Variants in ARHGAP44 observed in about 807,000 individuals in gnomAD.
ARHGAP44 encodes the protein Rho GTPase activating protein 44.
Under a neutral mutation model 106.8 loss-of-function variants are expected in ARHGAP44, and 43 were observed. That is an observed-to-expected ratio of 0.40 (90% CI 0.32 to 0.52). The LOEUF (loss-of-function observed/expected upper bound fraction) is 0.52. Among genes scored for constraint, ARHGAP44 ranks in the 20% least tolerant of loss-of-function variants. The pLI is 0.48. For synonymous variants in ARHGAP44, 439 were observed against 410.3 expected, an observed-to-expected ratio of 1.07 and a Z score of -0.85; for missense variants, 866 against 1,050.5, an observed-to-expected ratio of 0.82 and a Z score of 2.43.
intron 1 of ARHGAP44, among the ~76,000 whole-genome samples, chr17:12,885,524 T>C (rs1302419558): frequency 7.2e-6 from 1 of 137,940 alleles, no homozygotes; most frequent in East Asian, 2.2e-4. Context: ...AAGAACTTGA[T>C]GTGTGTGTGA....
chr17:12,800,114 C>T (rs1490604615), intron 1 of ARHGAP44, among the ~76,000 whole-genome samples: 7 of 152,188 alleles, frequency 4.6e-5, no homozygotes, highest in Admixed American at 4.6e-4. Context: ...CAATAAATGA[C>T]AGTTATTACC....
At position 12,789,623 on chromosome 17, in the gene ARHGAP44, G is replaced by T. The variant is rs539912762; in HGVS notation, c.-216G>T. 120 of 328,100 alleles carry T rather than the reference G, an allele frequency of 3.7e-4. No individual in the cohort carries two copies. The highest frequency in any genetic ancestry group is 2.5e-3 in the African/African-American group (113 of 46,082). 20.3% of individuals were successfully genotyped at this position (328,100 alleles called of 1,614,324 possible). ...CTCTGCCCCGGGCATTGCGCGGCGC[G>T]CGTGAGGGGGATGCGGCAGGAGGCG... On this transcript the variant is annotated 5_prime_UTR_variant, in exon 1 of 21. Transcript: ENST00000379672.
intron 6 of ARHGAP44, among the ~76,000 whole-genome samples, chr17:12,925,139 C>T (rs565331560): frequency 2.0e-5 from 3 of 152,260 alleles, no homozygotes; most frequent in East Asian, 1.9e-4. Context: ...CACTGGATGT[C>T]GCATGGGCTC....
At chr17:12,903,121 A>AGGG (rs1316155700) in intron 3 of ARHGAP44, among the ~76,000 whole-genome samples, 20 of 84,730 alleles carry the variant, frequency 2.4e-4, no homozygotes, top group African/African-American at 7.8e-4. Context: ...AGAGAGAGAG[A>AGGG]GAGAGGAGAG....
chr17:12,793,541 C>T (rs974373241), intron 1 of ARHGAP44, among the ~76,000 whole-genome samples: 1 of 152,118 alleles, frequency 6.6e-6, no homozygotes, highest in Non-Finnish European at 1.5e-5. Context: ...AACCCCGTCT[C>T]TACTAAAAAT....
chr17:12,977,940 A>G (rs1174347580), intron 18 of ARHGAP44, among the ~76,000 whole-genome samples: 2 of 149,088 alleles, frequency 1.3e-5, no homozygotes, highest in Non-Finnish European at 3.0e-5. Flanking sequence ...TGGGAGGCTG[A>G]GGAAGGAGAA....
chr17:12,908,839 A>T, intron 3 of ARHGAP44, 58 bp from the exon 4 acceptor site: 2 of 1,416,392 alleles, frequency 1.4e-6, no homozygotes, highest in Non-Finnish European at 2.0e-6. Flanking sequence ...TTGCTATTTT[A>T]GATTCAACAG....
At chr17:12,823,479 CT>C (rs1963874377) in intron 1 of ARHGAP44, among the ~76,000 whole-genome samples, 1 of 152,278 alleles carries the variant, frequency 6.6e-6, no homozygotes, top group Non-Finnish European at 1.5e-5. Flanking sequence ...ACGATCTTAA[CT>C]TTTTGCTAAG....
Position 12,980,224 on chromosome 17 carries a change from C to T in ARHGAP44, c.1930C>T (p.Leu644Phe). 1 of 1,611,846 alleles carries T rather than the reference C, an allele frequency of 6.2e-7. No individual in the cohort carries two copies. Among genetic ancestry groups the T allele is most frequent in the Non-Finnish European group, 8.5e-7 (1 of 1,179,262 alleles). Residue 644 changes from leucine to phenylalanine, a missense_variant, in exon 19 of 21, where the codon CTC becomes TTC. By Grantham distance (22) the Leu-to-Phe change is conservative. Coordinates refer to ENST00000379672, the MANE Select transcript of ARHGAP44 (RefSeq NM_014859.6). The stretch of plus-strand genomic sequence containing the variant: ...GCCTGCAGACCAGAGTCCTCACACC[C>T]TCCGGAAAGGTATGGCCCTGCTTCC... ...QPPADQSPHT[L>F]RKVSKKLAPI...
Position 12,974,111 on chromosome 17 carries a change from A to T in ARHGAP44, c.1564A>T (p.Thr522Ser). Residue 522 changes from threonine to serine, a missense_variant, in exon 18 of 21, where the codon ACA becomes TCA. Transcript: ENST00000379672. The stretch of plus-strand genomic sequence containing the variant: ...CAGCATGGGTGTGAGGGTCATGGAC[A>T]CAAACTGGGTGGCTCGAAGAGGCTC... The part of the protein sequence containing the change: ...IQSMGVRVMD[T>S]NWVARRGSSA... 1 of 1,571,468 alleles carries T rather than the reference A, an allele frequency of 6.4e-7. No homozygotes were observed. Among genetic ancestry groups the T allele is most frequent in the Non-Finnish European group, 8.6e-7 (1 of 1,158,314 alleles).
intron 1 of ARHGAP44, among the ~76,000 whole-genome samples, chr17:12,831,950 G>A (rs2035101115): frequency 6.6e-6 from 1 of 152,162 alleles, no homozygotes; most frequent in South Asian, 2.1e-4. Context: ...AGAGGAGTTT[G>A]GATGATGCCA....
intron 1 of ARHGAP44, among the ~76,000 whole-genome samples, chr17:12,844,520 C>T (rs2035508083): frequency 6.6e-6 from 1 of 152,142 alleles, no homozygotes; most frequent in South Asian, 2.1e-4. Context: ...ATTAAGTTTC[C>T]AATGCATTAA....
intron 9 of ARHGAP44, 146 bp downstream of exon 9, chr17:12,943,815 T>C (rs1323437139): frequency 9.8e-7 from 1 of 1,019,782 alleles, no homozygotes; most frequent in Non-Finnish European, 1.4e-6. Context: ...ACTTCCAAAC[T>C]GGTGCCTTGA....
In ARHGAP44 at chr17:12,915,915, C is replaced by G. The variant is rs1438943934; in HGVS notation, c.291C>G (p.Leu97=). The change falls in exon 5 of 21, where the codon CTC becomes CTG. Residue 97 remains leucine, a synonymous_variant. Coordinates refer to ENST00000379672, the MANE Select transcript of ARHGAP44 (RefSeq NM_014859.6). ...DDTLLGKMLK[L]CGETEDKLAQ... Reference sequence around the variant, plus strand: ...TGGATTACAGGAAGATGCTGAAACTCTGTGGAGAGACGGAGGACAAGCTGG... The same window carrying G: ...TGGATTACAGGAAGATGCTGAAACTGTGTGGAGAGACGGAGGACAAGCTGG... 1.2e-6 allele frequency: 2 copies of G among 1,613,808 alleles called. No homozygotes were observed. Among genetic ancestry groups the G allele is most frequent in the South Asian group, 2.2e-5 (2 of 91,034 alleles).
chr17:12,789,873 C>T lies in ARHGAP44; in HGVS notation c.35C>T (p.Ala12Val). 1 of 1,521,198 alleles carries T rather than the reference C, an allele frequency of 6.6e-7. No homozygotes were observed. The highest frequency in any genetic ancestry group is 8.8e-7 in the Non-Finnish European group (1 of 1,138,096). 94.2% of individuals were successfully genotyped at this position (1,521,198 alleles called of 1,614,324 possible). ...CAGTTCAATCGCATGCGCCAGCTGG[C>T]CAACCAGACGGTGGGCAGGTAGGTC... ...KKQFNRMRQLANQTVGRAEKT... is the reference protein window; with the variant it reads ...KKQFNRMRQLVNQTVGRAEKT... Residue 12 changes from alanine (A) to valine (V), a missense_variant, in exon 1 of 21, where the codon GCC becomes GTC. Physicochemically the swap from Ala to Val is moderately conservative, Grantham distance 64 (BLOSUM62 0). Transcript: ENST00000379672.
In ARHGAP44 at chr17:12,949,934, A is replaced by G. The variant is rs1379265481; in HGVS notation, c.1055+204A>G. 6.6e-6 allele frequency among the ~76,000 whole-genome samples: 1 copy of G among 152,210 alleles called. No homozygotes were observed. The highest frequency in any genetic ancestry group is 1.5e-5 in the Non-Finnish European group (1 of 68,036). On this transcript the variant is annotated intron_variant, in intron 12 of 20. Coordinates refer to ENST00000379672, the MANE Select transcript of ARHGAP44 (RefSeq NM_014859.6). The surrounding 1 kb of genome is among the most constrained non-coding windows in gnomAD (Gnocchi z 4.1). ...CTGAGATAGCAGAAGCCTAGAAGTC[A>G]CTAAAGATTCATTGGAGAAGGGGGT...
chr17:12,968,772 CTTT>C (rs533743635), intron 16 of ARHGAP44, among the ~76,000 whole-genome samples: 11 of 115,582 alleles, frequency 9.5e-5, no homozygotes, highest in East Asian at 2.0e-4. Context: ...TATTTCTTTT[CTTT>C]TTTTTTTTTT....
At chr17:12,973,997 C>T (rs1290820192) in intron 17 of ARHGAP44, 92 bp from the exon 18 acceptor site, 2 of 1,337,010 alleles carry the variant, frequency 1.5e-6, no homozygotes, top group African/African-American at 2.9e-5. Flanking sequence ...CTGCTCTTCT[C>T]CCAACGCGGA....
At chr17:12,903,556 C>T (rs960835621) in intron 3 of ARHGAP44, among the ~76,000 whole-genome samples, 3 of 152,036 alleles carry the variant, frequency 2.0e-5, no homozygotes, top group African/African-American at 7.2e-5. Context: ...GATTTTTGAG[C>T]AATTTAATTC....
Sources: gnomAD v4.1 joint callset for allele counts (sites outside exome capture counted in the v4.1 genomes callset) on GRCh38, gnomAD v4.1.1 for gene constraint, Gnocchi (gnomAD v3.1) non-coding constraint, MANE v1.5 for transcripts, NCBI Gene and HGNC (gene_info 2026-07-23, HGNC 2026-07-21) for gene names.